PLEKHF1: variants seen among roughly 807,000 people sequenced by gnomAD.
The protein encoded by PLEKHF1 is pleckstrin homology and FYVE domain containing 1.
In PLEKHF1, 1 loss-of-function variant was observed where a neutral mutation model predicts 4.1. That is an observed-to-expected ratio of 0.24 (90% CI 0.09 to 1.15). The LOEUF (loss-of-function observed/expected upper bound fraction) is 1.15, where lower values mean the gene tolerates loss of function less well. Among genes scored for constraint, PLEKHF1 ranks in the 50% most tolerant of loss-of-function variants. The pLI, the probability that PLEKHF1 is intolerant of heterozygous loss-of-function variation, is 0.52. For missense variants in PLEKHF1, 429 were observed against 400.6 expected, an observed-to-expected ratio of 1.07 and a Z score of -0.60; for synonymous variants, 182 against 178.5, an observed-to-expected ratio of 1.02 and a Z score of -0.16.
chr19:29,671,254 T>A lies in PLEKHF1; in HGVS notation c.-16-2570T>A, dbSNP rs947212380. Among the ~76,000 whole-genome samples the A allele has an allele frequency of 5.3e-5, 8 of 152,152 alleles. No homozygotes were observed. Among genetic ancestry groups the A allele is most frequent in the Middle Eastern group, 3.2e-3 (1 of 316 alleles). ...AGCTGGAATTACAGGTGTGAGGCAC[T>A]GTGTCCGGCCTTCCTCCTACCTATT... On this transcript the variant is annotated intron_variant, in intron 1 of 1. Coordinates refer to ENST00000436066, the MANE Select transcript of PLEKHF1 (RefSeq NM_024310.5). This position sits in a 1 kb window ranked among gnomAD's most constrained non-coding sequence, Gnocchi z 4.0.
chr19:29,673,106 T>C (rs1971649034), intron 1 of PLEKHF1, among the ~76,000 whole-genome samples: 1 of 152,064 alleles, frequency 6.6e-6, no homozygotes, highest in Non-Finnish European at 1.5e-5. Context: ...GGGAACTAAA[T>C]GAGATAGTCA....
At position 29,674,548 on chromosome 19, in the gene PLEKHF1, C is replaced by G; in HGVS notation, c.709C>G (p.Pro237Ala). Residue 237 changes from proline (P) to alanine (A), a missense_variant, in exon 2 of 2, where the codon CCC becomes GCC. Physicochemically the swap from Pro to Ala is conservative, Grantham distance 27. Coordinates refer to ENST00000436066, the MANE Select transcript of PLEKHF1 (RefSeq NM_024310.5). ...SPGQPAHLAR[P>A]ICGASSGDDD... ...AGGGCAGCCAGCCCACCTGGCCCGG[C>G]CCATCTGCGGAGCGTCCAGTGGAGA... is the stretch of plus-strand genomic sequence containing the variant. 1.0e-5 allele frequency: 16 copies of G among 1,589,930 alleles called. No individual in the cohort carries two copies. Among genetic ancestry groups the G allele is most frequent in the Non-Finnish European group, 1.3e-5 (15 of 1,169,624 alleles).
In PLEKHF1 at chr19:29,673,711, C is replaced by T. The variant is rs1864223; in HGVS notation, c.-16-113C>T. On this transcript the variant is annotated intron_variant, in intron 1 of 1. Transcript: ENST00000436066. ...CTGGGCAGGCCTGCGGGTTACTGTG[C>T]GTAGTCAGTGGGCTGCCTGGCATGG... The T allele has an allele frequency of 1.6e-5, 22 of 1,403,746 alleles. No homozygotes were observed. The African/African-American group carries it at 3.0e-4, about 19-fold the overall frequency. 87.0% of individuals were successfully genotyped at this position (1,403,746 alleles called of 1,614,324 possible).
chr19:29,671,669 T>G lies in PLEKHF1; in HGVS notation c.-16-2155T>G, dbSNP rs1169699086. On this transcript the variant is annotated intron_variant, in intron 1 of 1. Transcript: ENST00000436066. This position sits in a 1 kb window ranked among gnomAD's most constrained non-coding sequence, Gnocchi z 4.0. ...AAATAGCAGTTCTTACGTAAGGTAG[T>G]GTGGGCAGCCCTTCTCAGGACACTT... Among the ~76,000 whole-genome samples the G allele has an allele frequency of 6.6e-6, 1 of 152,128 alleles. No individual in the cohort carries two copies. Among genetic ancestry groups the G allele is most frequent in the East Asian group, 1.9e-4 (1 of 5,194 alleles).
chr19:29,667,863 C>G (rs558628751), intron 1 of PLEKHF1, among the ~76,000 whole-genome samples: 1 of 152,238 alleles, frequency 6.6e-6, no homozygotes, highest in South Asian at 2.1e-4. Flanking sequence ...CTCTCAAGAG[C>G]TGGTAGCAAA....
rs1253541121 is a variant in PLEKHF1, at chr19:29,671,371, GTGTTTTTCCACTCCACGTT to G, written c.-16-2448_-16-2430del. ...CTTTACATACAACATTCTACAGGCTGTGTTTTTCCACTCCACGTTTGTTGTTTGCCGTCAGACCACATTG... is the reference window on the plus strand; with the variant it reads ...CTTTACATACAACATTCTACAGGCTGTGTTGTTTGCCGTCAGACCACATTG... On this transcript the variant is annotated intron_variant, in intron 1 of 1. Coordinates refer to ENST00000436066, the MANE Select transcript of PLEKHF1 (RefSeq NM_024310.5). The surrounding 1 kb of genome is among the most constrained non-coding windows in gnomAD (Gnocchi z 4.0). 6.6e-5 allele frequency among the ~76,000 whole-genome samples: 10 copies of G among 152,178 alleles called. No homozygotes were observed. Among genetic ancestry groups the G allele is most frequent in the Admixed American group, 6.5e-4 (10 of 15,278 alleles).
chr19:29,669,801 C>T (rs1971610036), intron 1 of PLEKHF1, among the ~76,000 whole-genome samples: 1 of 152,156 alleles, frequency 6.6e-6, no homozygotes, highest in Non-Finnish European at 1.5e-5. Flanking sequence ...TTCCTGGTCA[C>T]ATCTATGTCC....
intron 1 of PLEKHF1, among the ~76,000 whole-genome samples, chr19:29,668,337 C>T (rs1465399738): frequency 1.6e-4 from 24 of 152,104 alleles, no homozygotes; most frequent in Non-Finnish European, 1.5e-4. Context: ...CAGGCCGGCC[C>T]CAAATGAGTA....
At chr19:29,668,551 C>G (rs1289970982) in intron 1 of PLEKHF1, among the ~76,000 whole-genome samples, 1 of 151,934 alleles carries the variant, frequency 6.6e-6, no homozygotes, top group African/African-American at 2.4e-5. Context: ...GAACCCTCGC[C>G]TCTAAAACAA....
intron 1 of PLEKHF1, among the ~76,000 whole-genome samples, chr19:29,667,806 C>T (rs1174701090): frequency 6.6e-6 from 1 of 152,248 alleles, no homozygotes; most frequent in Non-Finnish European, 1.5e-5. Flanking sequence ...GTGCATTATA[C>T]ATTTTACAAT....
chr19:29,670,687 T>A (rs1971621693), intron 1 of PLEKHF1, among the ~76,000 whole-genome samples: 1 of 152,178 alleles, frequency 6.6e-6, no homozygotes, highest in African/African-American at 2.4e-5. Context: ...TTAACCTTTT[T>A]TTTTTTTTGA....
In PLEKHF1 at chr19:29,673,826, G is replaced by T. The variant is rs73546194; in HGVS notation, c.-14G>T. On this transcript the variant is annotated splice_region_variant and 5_prime_UTR_variant, in exon 2 of 2. Coordinates refer to ENST00000436066, the MANE Select transcript of PLEKHF1 (RefSeq NM_024310.5). ...TCCTTGTCTGTCTCCTCCTGCAGCC[G>T]CCAGCTGGAGACGATGGTGGACCAC... The T allele has an allele frequency of 1.9e-6, 3 of 1,580,630 alleles. No individual in the cohort carries two copies. Among genetic ancestry groups the T allele is most frequent in the Non-Finnish European group, 1.7e-6 (2 of 1,161,114 alleles).
chr19:29,668,966 G>A (rs548667918), intron 1 of PLEKHF1, among the ~76,000 whole-genome samples: 3 of 152,270 alleles, frequency 2.0e-5, no homozygotes, highest in Non-Finnish European at 2.9e-5. Context: ...CAGTCAGTGT[G>A]TGGGGTCAGC....
chr19:29,666,557 G>T (rs537367019), intron 1 of PLEKHF1, among the ~76,000 whole-genome samples: 72 of 152,326 alleles, frequency 4.7e-4, no homozygotes, highest in African/African-American at 1.7e-3. Context: ...CAAGCTGACG[G>T]ACCTGCTCGG....
chr19:29,668,188 G>A (rs1010651540), intron 1 of PLEKHF1, among the ~76,000 whole-genome samples: 2 of 152,168 alleles, frequency 1.3e-5, no homozygotes, highest in Non-Finnish European at 2.9e-5. Flanking sequence ...AGGTCTGTTC[G>A]TTGCCTGGTC....
intron 1 of PLEKHF1, chr19:29,665,843 C>G (rs1286385498): frequency 3.0e-6 from 3 of 1,012,056 alleles, no homozygotes; most frequent in Non-Finnish European, 3.6e-6. Context: ...TCAGCGCACC[C>G]GGTCGCTGGT....
rs1176919781 is a variant in PLEKHF1 at position 29,674,714 on chromosome 19, C to T, written c.*35C>T. On this transcript the variant is annotated 3_prime_UTR_variant, in exon 2 of 2. Coordinates refer to ENST00000436066, the MANE Select transcript of PLEKHF1 (RefSeq NM_024310.5). ...TGCAGAACATCTGTCCCCAAGCCAG[C>T]TCCACTGCCCAGGCCCCCAAGAGGG... The T allele has an allele frequency of 3.2e-6, 5 of 1,559,608 alleles. No individual in the cohort carries two copies. The highest frequency in any genetic ancestry group is 4.3e-6 in the Non-Finnish European group (5 of 1,150,474).
intron 1 of PLEKHF1, 128 bp downstream of exon 1, chr19:29,665,633 G>A: frequency 8.6e-7 from 1 of 1,163,206 alleles, no homozygotes; most frequent in Admixed American, 4.2e-5. Flanking sequence ...CTCCTGGGCC[G>A]GCGGGGCGCA....
chr19:29,669,812 T>A (rs1045453218), intron 1 of PLEKHF1, among the ~76,000 whole-genome samples: 1 of 152,214 alleles, frequency 6.6e-6, no homozygotes, highest in Non-Finnish European at 1.5e-5. Flanking sequence ...ATCTATGTCC[T>A]CTCCCCAGGC....
Sources: allele counts gnomAD v4.1 joint callset (sites outside exome capture counted in the v4.1 genomes callset), GRCh38; gene constraint gnomAD v4.1.1; non-coding constraint Gnocchi (gnomAD v3.1); transcripts MANE v1.5; gene names NCBI Gene and HGNC (gene_info 2026-07-23, HGNC 2026-07-21).